CFAP54: variants seen among roughly 807,000 people sequenced by gnomAD.
CFAP54 encodes cilia- and flagella-associated protein 54.
A neutral mutation model predicts 370.4 loss-of-function variants in CFAP54; 290 were observed. That is an observed-to-expected ratio of 0.78 (90% CI 0.71 to 0.86). The LOEUF (loss-of-function observed/expected upper bound fraction) is 0.86, where lower values mean the gene tolerates loss of function less well. Among genes scored for constraint, CFAP54 ranks in the 40% least tolerant of loss-of-function variants. The pLI is 0.00. For missense variants in CFAP54, 3,399 were observed against 3,528.7 expected, an observed-to-expected ratio of 0.96 and a Z score of 0.93; for synonymous variants, 1,206 against 1,236.5, an observed-to-expected ratio of 0.98 and a Z score of 0.52.
intron 22 of CFAP54, among the ~76,000 whole-genome samples, chr12:96,582,381 G>A (rs1956040821): frequency 6.6e-6 from 1 of 152,004 alleles, no homozygotes; most frequent in African/African-American, 2.4e-5. Flanking sequence ...TAGAGCTGAT[G>A]GCTTTTCTAA....
rs530218212 is a variant in CFAP54, at chr12:96,630,685, A to G, written c.4316+34A>G. ...TAATTAATTAATTCAATAAAAGTTT[A>G]CTTGAGGGTAACTATGTGTTGGGCA... On this transcript the variant is annotated intron_variant, in intron 32 of 67. Coordinates refer to ENST00000524981, the MANE Select transcript of CFAP54 (RefSeq NM_001306084.2). The G allele has an allele frequency of 1.5e-5, 20 of 1,319,268 alleles. No homozygotes were observed. In the African/African-American group the frequency reaches 2.9e-4, roughly 19 times the overall value. 81.7% of individuals were successfully genotyped at this position (1,319,268 alleles called of 1,614,324 possible).
intron 20 of CFAP54, among the ~76,000 whole-genome samples, chr12:96,579,555 A>G (rs1307692496): frequency 6.6e-6 from 1 of 152,108 alleles, no homozygotes; most frequent in African/African-American, 2.4e-5. Flanking sequence ...GTATTTAGAG[A>G]CAATTGTATT....
At chr12:96,691,334 T>C in intron 44 of CFAP54, 24 bp downstream of exon 44, 2 of 1,512,942 alleles carry the variant, frequency 1.3e-6, no homozygotes, top group Non-Finnish European at 1.8e-6. Flanking sequence ...AAAATAAAAA[T>C]TATATATCAC....
chr12:96,637,839 A>G (rs1247592230), intron 32 of CFAP54, among the ~76,000 whole-genome samples: 1 of 152,174 alleles, frequency 6.6e-6, no homozygotes, highest in Non-Finnish European at 1.5e-5. Flanking sequence ...GTCCTATACA[A>G]TTATAAAATC....
intron 63 of CFAP54, among the ~76,000 whole-genome samples, chr12:96,795,776 C>A (rs141882883): frequency 0.015 from 2,320 of 152,204 alleles, 77 homozygotes; most frequent in African/African-American, 0.054. Context: ...GTCTGCACTC[C>A]CCATTTGCCC....
At chr12:96,819,013 A>G (rs1959003965) in intron 65 of CFAP54, among the ~76,000 whole-genome samples, 1 of 152,238 alleles carries the variant, frequency 6.6e-6, no homozygotes, top group Non-Finnish European at 1.5e-5. Flanking sequence ...GCTGTTTAAA[A>G]GATAGATGTA....
intron 46 of CFAP54, among the ~76,000 whole-genome samples, chr12:96,702,221 A>AT (rs1333921726): frequency 9.3e-5 from 6 of 64,384 alleles, no homozygotes; most frequent in Admixed American, 1.7e-4. Flanking sequence ...TGCTCCAGAT[A>AT]GGAGCATGTT....
At chr12:96,723,123 A>G (rs1463620219) in intron 50 of CFAP54, among the ~76,000 whole-genome samples, 1 of 152,228 alleles carries the variant, frequency 6.6e-6, no homozygotes, top group East Asian at 1.9e-4. Context: ...CACATTATGT[A>G]ATGTATCAAA....
At chr12:96,820,837 A>G (rs1168899785) in intron 65 of CFAP54, among the ~76,000 whole-genome samples, 1 of 152,208 alleles carries the variant, frequency 6.6e-6, no homozygotes, top group Non-Finnish European at 1.5e-5. Context: ...GAATACCTAC[A>G]ATGACAGTTT....
At chr12:96,813,933 C>G (rs1292926152) in intron 64 of CFAP54, among the ~76,000 whole-genome samples, 2 of 152,158 alleles carry the variant, frequency 1.3e-5, no homozygotes, top group African/African-American at 2.4e-5. Flanking sequence ...TGCCAGAGCA[C>G]AAAGGGAGGG....
chr12:96,593,935 G>A (rs756115929), intron 24 of CFAP54, among the ~76,000 whole-genome samples: 107 of 151,684 alleles, frequency 7.1e-4, no homozygotes, highest in Middle Eastern at 6.9e-3. Flanking sequence ...ATCAAATGGG[G>A]GCAATATTAT....
intron 66 of CFAP54, among the ~76,000 whole-genome samples, chr12:96,833,457 A>G (rs964129074): frequency 1.2e-4 from 18 of 152,006 alleles, no homozygotes; most frequent in Non-Finnish European, 4.4e-5. Context: ...ATAGTTTCAT[A>G]TTGGTTCACA....
Position 96,644,244 on chromosome 12 carries a change from A to G in CFAP54, c.4383A>G (p.Ile1461Met). Reference protein sequence around the residue: ...RYLMDYLNPLILSYVKRKRFH... With the variant: ...RYLMDYLNPLMLSYVKRKRFH... ...TGATGGATTACTTGAATCCTCTAATATTAAGTTATGTTAAAAGAAAGAGGT... is the reference window on the plus strand; with the variant it reads ...TGATGGATTACTTGAATCCTCTAATGTTAAGTTATGTTAAAAGAAAGAGGT... The change falls in exon 33 of 68, where the codon ATA becomes ATG. Residue 1461 changes from isoleucine to methionine, a missense_variant. Physicochemically the swap from Ile to Met is conservative, Grantham distance 10. Coordinates refer to ENST00000524981, the MANE Select transcript of CFAP54 (RefSeq NM_001306084.2). 6.5e-7 allele frequency: 1 copy of G among 1,535,908 alleles called. No individual in the cohort carries two copies. The highest frequency in any genetic ancestry group is 8.7e-7 in the Non-Finnish European group (1 of 1,146,754).
chr12:96,638,154 TAA>T (rs1956680569), intron 32 of CFAP54, among the ~76,000 whole-genome samples: 1 of 151,890 alleles, frequency 6.6e-6, no homozygotes, highest in Non-Finnish European at 1.5e-5. Context: ...CATAAACATT[TAA>T]GTTTTCTTCT....
chr12:96,504,161 A>AT (rs1425087286), intron 3 of CFAP54, 132 bp downstream of exon 3: 17 of 798,814 alleles, frequency 2.1e-5, no homozygotes, highest in South Asian at 5.8e-5. Flanking sequence ...TGCTTAATAA[A>AT]TACTTTCAGT....
intron 39 of CFAP54, among the ~76,000 whole-genome samples, chr12:96,676,005 T>C (rs1957202733): frequency 6.6e-6 from 1 of 151,938 alleles, no homozygotes. Flanking sequence ...AGTTAGTGGG[T>C]GCAGCACACC....
intron 39 of CFAP54, among the ~76,000 whole-genome samples, chr12:96,675,979 C>G (rs1592703092): frequency 6.6e-6 from 1 of 151,952 alleles, no homozygotes; most frequent in Middle Eastern, 3.2e-3. Flanking sequence ...GGAGATATAC[C>G]TAATGCTAAA....
intron 42 of CFAP54, among the ~76,000 whole-genome samples, chr12:96,687,055 G>A (rs997838254): frequency 2.0e-5 from 3 of 152,046 alleles, no homozygotes; most frequent in East Asian, 1.9e-4. Flanking sequence ...ATTCCTTGGC[G>A]CATGGCCCCA....
At chr12:96,664,814 G>GAT (rs1302346655) in intron 39 of CFAP54, among the ~76,000 whole-genome samples, 357 of 25,468 alleles carry the variant, frequency 0.014, 26 homozygotes, top group African/African-American at 0.069. Context: ...TATATATATA[G>GAT]ATATATATAT....
Sources: gnomAD v4.1 joint callset for allele counts (sites outside exome capture counted in the v4.1 genomes callset) on GRCh38, gnomAD v4.1.1 for gene constraint, MANE v1.5 for transcripts, NCBI Gene and HGNC (gene_info 2026-07-23, HGNC 2026-07-21) for gene names.